The following DENND1A variants were observed in gnomAD, a reference collection of about 807,000 sequenced individuals.
DENND1A encodes DENN domain-containing protein 1A.
A neutral mutation model predicts 113.7 loss-of-function variants in DENND1A; 51 were observed. The ratio of observed to expected loss-of-function variants is 0.45; its 90% CI spans 0.36 to 0.57. DENND1A has a LOEUF of 0.57. Ranked by LOEUF, DENND1A falls within the 20% of genes least tolerant of loss-of-function variation. DENND1A has a pLI of 0.00. For synonymous variants in DENND1A, 565 were observed against 570.8 expected, an observed-to-expected ratio of 0.99 and a Z score of 0.14; for missense variants, 1,258 against 1,395.9, an observed-to-expected ratio of 0.90 and a Z score of 1.57.
At chr9:123,580,089 A>G (rs1257369151) in intron 12 of DENND1A, among the ~76,000 whole-genome samples, 1 of 152,192 alleles carries the variant, frequency 6.6e-6, no homozygotes, top group Admixed American at 6.5e-5. Flanking sequence ...CCATTTCTTG[A>G]ATGCTGACAA....
At chr9:123,594,281 CA>C (rs1189001517) in intron 11 of DENND1A, among the ~76,000 whole-genome samples, 1 of 152,176 alleles carries the variant, frequency 6.6e-6, no homozygotes, top group African/African-American at 2.4e-5. Context: ...CACACAACAA[CA>C]AAATTACAGC....
At chr9:123,632,813 C>T (rs1367463758) in intron 9 of DENND1A, among the ~76,000 whole-genome samples, 2 of 152,114 alleles carry the variant, frequency 1.3e-5, no homozygotes, top group African/African-American at 2.4e-5. Flanking sequence ...GGATTTGTGC[C>T]TCTAGCAAAC....
chr9:123,793,350 A>C (rs1833293437), intron 2 of DENND1A, among the ~76,000 whole-genome samples: 1 of 152,204 alleles, frequency 6.6e-6, no homozygotes, highest in African/African-American at 2.4e-5. Flanking sequence ...ATCATAAGCA[A>C]GATGATCCAA....
At chr9:123,854,543 A>G (rs1253802869) in intron 2 of DENND1A, among the ~76,000 whole-genome samples, 1 of 151,890 alleles carries the variant, frequency 6.6e-6, no homozygotes, top group African/African-American at 2.4e-5. Flanking sequence ...AAAAATACAA[A>G]AATTAGCCGG....
chr9:123,613,113 C>G (rs976602700), intron 10 of DENND1A, among the ~76,000 whole-genome samples: 1 of 152,154 alleles, frequency 6.6e-6, no homozygotes, highest in Non-Finnish European at 1.5e-5. Flanking sequence ...ATTTCTGACT[C>G]CCAAGCACAC....
chr9:123,427,219 G>C (rs2045807066), intron 19 of DENND1A, among the ~76,000 whole-genome samples: 1 of 152,246 alleles, frequency 6.6e-6, no homozygotes, highest in Non-Finnish European at 1.5e-5. Flanking sequence ...CTGTCCATCA[G>C]GATTACGTTG....
At chr9:123,514,300 C>T (rs2053714060) in intron 13 of DENND1A, among the ~76,000 whole-genome samples, 1 of 151,960 alleles carries the variant, frequency 6.6e-6, no homozygotes, top group African/African-American at 2.4e-5. Context: ...GGCAGCCTGG[C>T]TCAGGGTGTC....
chr9:123,748,099 C>A (rs545924548), intron 5 of DENND1A, among the ~76,000 whole-genome samples: 5 of 152,186 alleles, frequency 3.3e-5, no homozygotes, highest in African/African-American at 1.2e-4. Flanking sequence ...CTAAGAGCTT[C>A]TTTCCTTGTA....
chr9:123,796,475 T>C (rs1389297085), intron 2 of DENND1A, among the ~76,000 whole-genome samples: 1 of 152,164 alleles, frequency 6.6e-6, no homozygotes, highest in Non-Finnish European at 1.5e-5. Flanking sequence ...CAACAGTCTA[T>C]GTTTTCCAGT....
At chr9:123,638,286 A>T (rs2061826052) in intron 9 of DENND1A, among the ~76,000 whole-genome samples, 2 of 152,178 alleles carry the variant, frequency 1.3e-5, no homozygotes, top group Admixed American at 6.5e-5. Context: ...ACCATGAGTG[A>T]GGAAAGAGCT....
intron 21 of DENND1A, among the ~76,000 whole-genome samples, chr9:123,399,753 C>A (rs2043329949): frequency 6.6e-6 from 1 of 152,208 alleles, no homozygotes; most frequent in African/African-American, 2.4e-5. Flanking sequence ...CTGGGCAAAG[C>A]CAGACTAAAG....
Position 123,449,311 on chromosome 9 carries a change from C to T in DENND1A, c.1356+1382G>A, listed in dbSNP as rs1167657852. Among the ~76,000 whole-genome samples the T allele has an allele frequency of 9.2e-5, 14 of 152,198 alleles. No individual in the cohort carries two copies. In the South Asian group the frequency reaches 1.0e-3, roughly 11 times the overall value. On this transcript the variant is annotated intron_variant, in intron 18 of 23. Coordinates refer to ENST00000394215, the MANE Select transcript of DENND1A (RefSeq NM_001352964.2). ...CAGCATTTTGGGAGGCCAAGGCAGG[C>T]GGATCACGAGGTCAGGAGATCGAGA...
At chr9:123,775,319 TA>T (rs1321070834) in intron 3 of DENND1A, among the ~76,000 whole-genome samples, 2 of 152,214 alleles carry the variant, frequency 1.3e-5, no homozygotes, top group Non-Finnish European at 2.9e-5. Context: ...ATGATTACTC[TA>T]AAATAGTTTC....
At chr9:123,661,561 T>C (rs1346756824) in intron 8 of DENND1A, among the ~76,000 whole-genome samples, 2 of 152,146 alleles carry the variant, frequency 1.3e-5, no homozygotes, top group African/African-American at 4.8e-5. Context: ...GCCCCCAAAA[T>C]AGCCACACTA....
chr9:123,421,796 G>A (rs1234583981), intron 19 of DENND1A, among the ~76,000 whole-genome samples: 5 of 152,140 alleles, frequency 3.3e-5, no homozygotes, highest in Non-Finnish European at 7.3e-5. Flanking sequence ...AGGCCACCAC[G>A]AGCCTCCAAC....
At chr9:123,487,068 A>AG (rs2050941114) in intron 13 of DENND1A, among the ~76,000 whole-genome samples, 1 of 152,250 alleles carries the variant, frequency 6.6e-6, no homozygotes, top group Admixed American at 6.5e-5. Flanking sequence ...AGGACCATAG[A>AG]GGCCCCCATA....
At chr9:123,541,926 G>T (rs1473291382) in intron 13 of DENND1A, among the ~76,000 whole-genome samples, 3 of 152,204 alleles carry the variant, frequency 2.0e-5, no homozygotes, top group Non-Finnish European at 4.4e-5. Flanking sequence ...AGCTCTCCTG[G>T]AATCTCAACC....
intron 13 of DENND1A, among the ~76,000 whole-genome samples, chr9:123,479,126 C>T (rs945033332): frequency 6.6e-6 from 1 of 152,196 alleles, no homozygotes; most frequent in Non-Finnish European, 1.5e-5. Context: ...CATCTTTTCA[C>T]AGATCTGGAA....
chr9:123,704,365 T>C (rs2066055202), intron 5 of DENND1A, among the ~76,000 whole-genome samples: 1 of 152,180 alleles, frequency 6.6e-6, no homozygotes, highest in Admixed American at 6.5e-5. Flanking sequence ...GGATAAAATA[T>C]TCTGATTAAA....
Sources: allele counts gnomAD v4.1 joint callset (sites outside exome capture counted in the v4.1 genomes callset), GRCh38; gene constraint gnomAD v4.1.1; transcripts MANE v1.5; gene names NCBI Gene and HGNC (gene_info 2026-07-23, HGNC 2026-07-21).